MAST4: variants seen among roughly 807,000 people sequenced by gnomAD.
The protein encoded by MAST4 is microtubule-associated serine/threonine-protein kinase 4.
A neutral mutation model predicts 162.7 loss-of-function variants in MAST4; 89 were observed. That is an observed-to-expected ratio of 0.55 (90% CI 0.46 to 0.65). The LOEUF (loss-of-function observed/expected upper bound fraction) is 0.65. Ranked by LOEUF, MAST4 falls within the 30% of genes least tolerant of loss-of-function variation. The probability of loss-of-function intolerance (pLI) is 0.00; values close to 1 mark genes in which losing one functional copy is unlikely to be tolerated. For synonymous variants in MAST4, 1,479 were observed against 1,361.1 expected (o/e 1.09, Z -1.91); for missense variants, 3,153 against 3,374.0 (o/e 0.93, Z 1.62).
At chr5:66,647,587 C>A (rs2149443499) in intron 1 of MAST4, among the ~76,000 whole-genome samples, 1 of 152,098 alleles carries the variant, frequency 6.6e-6, no homozygotes, top group South Asian at 2.1e-4. Context: ...TTAAAATGTC[C>A]TAAATAATCT....
intron 1 of MAST4, among the ~76,000 whole-genome samples, chr5:66,695,711 G>T (rs1366379732): frequency 2.0e-5 from 3 of 152,126 alleles, no homozygotes; most frequent in African/African-American, 7.2e-5. Context: ...AACAGATGCT[G>T]GCAAGGCTGT....
chr5:66,914,922 A>T (rs965086572), intron 4 of MAST4, among the ~76,000 whole-genome samples: 30 of 152,182 alleles, frequency 2.0e-4, no homozygotes, highest in Non-Finnish European at 2.9e-5. Context: ...CCAAAATATC[A>T]GTAGTGCTGA....
At chr5:66,980,198 C>T (rs555881388) in intron 4 of MAST4, among the ~76,000 whole-genome samples, 45 of 152,222 alleles carry the variant, frequency 3.0e-4, no homozygotes, top group African/African-American at 1.0e-3. Flanking sequence ...GAGATAAGTC[C>T]CCCAGGGGTC....
chr5:67,100,831 TG>T (rs1477207082), intron 8 of MAST4, among the ~76,000 whole-genome samples: 6 of 152,222 alleles, frequency 3.9e-5, no homozygotes, highest in African/African-American at 1.4e-4. Flanking sequence ...ACGATGGTCT[TG>T]GGACTACCTA....
chr5:66,619,378 A>G (rs1050620129), intron 1 of MAST4, among the ~76,000 whole-genome samples: 3 of 143,878 alleles, frequency 2.1e-5, no homozygotes, highest in African/African-American at 7.8e-5. Context: ...CGTTAGGAAT[A>G]TTTTTCTCCC....
chr5:66,984,067 A>G (rs1433330655), intron 4 of MAST4, among the ~76,000 whole-genome samples: 1 of 152,200 alleles, frequency 6.6e-6, no homozygotes, highest in Non-Finnish European at 1.5e-5. Context: ...GGATAGAGAA[A>G]GTCTCTGCTC....
At chr5:66,907,193 G>GAGAGAT in intron 4 of MAST4, among the ~76,000 whole-genome samples, 1 of 145,914 alleles carries the variant, frequency 6.9e-6, no homozygotes, top group Non-Finnish European at 1.5e-5. Flanking sequence ...GAGAGAGAGA[G>GAGAGAT]AGAGAGAGAG....
intron 1 of MAST4, among the ~76,000 whole-genome samples, chr5:66,696,082 CT>C (rs1749378368): frequency 6.6e-6 from 1 of 152,066 alleles, no homozygotes; most frequent in Admixed American, 6.5e-5. Context: ...AGCCATTATC[CT>C]TGCAAACTAA....
intron 4 of MAST4, among the ~76,000 whole-genome samples, chr5:66,927,683 A>C (rs1318615845): frequency 6.6e-6 from 1 of 152,202 alleles, no homozygotes; most frequent in Non-Finnish European, 1.5e-5. Flanking sequence ...GAAAGGAAGC[A>C]ATGTACTGGA....
At position 66,596,734 on chromosome 5, in the gene MAST4, G is replaced by T. The variant is rs1742201300; in HGVS notation, c.79G>T (p.Ala27Ser). The change falls in exon 1 of 29, where the codon GCG becomes TCG. Residue 27 changes from alanine (A) to serine (S), a missense_variant. By Grantham distance (99) the Ala-to-Ser change is moderately conservative. This residue lies in a region of MAST4 where 327 missense variants were observed against 336.5 expected (regional missense o/e 0.97). Coordinates refer to ENST00000403625, the MANE Select transcript of MAST4 (RefSeq NM_001164664.2). ...CCACGGCAGCCGGACTCCAGCCTCT[G>T]CGCTGGTCGCCGCGTCCTCTCCGGG... ...SGHGSRTPAS[A>S]LVAASSPGAS... 3 of 1,415,582 alleles carry T rather than the reference G, an allele frequency of 2.1e-6. No homozygotes were observed. Among genetic ancestry groups the T allele is most frequent in the Non-Finnish European group, 2.8e-6 (3 of 1,084,510 alleles). The allele number at this position is 1,415,582 out of a possible 1,614,324, so 87.7% of individuals were successfully genotyped here. A position where few individuals can be genotyped will look rare whatever the true frequency, so the allele number is the denominator to read the frequency against.
intron 1 of MAST4, among the ~76,000 whole-genome samples, chr5:66,712,198 T>C (rs1360106794): frequency 6.6e-6 from 1 of 152,244 alleles, no homozygotes; most frequent in African/African-American, 2.4e-5. Flanking sequence ...TGCACACTTA[T>C]GTGGTATGTA....
chr5:66,772,103 C>T lies in MAST4; in HGVS notation c.517+12241C>T, dbSNP rs575427963. The stretch of plus-strand genomic sequence containing the variant: ...GACTTGATTATACTACAATTAACAG[C>T]GTGAAAGATTTATTGAAATGCTAGA... On this transcript the variant is annotated intron_variant, in intron 2 of 28. Coordinates refer to ENST00000403625, the MANE Select transcript of MAST4 (RefSeq NM_001164664.2). Among the ~76,000 whole-genome samples the T allele has an allele frequency of 5.9e-5, 9 of 152,248 alleles. No individual in the cohort carries two copies. In the South Asian group the frequency reaches 1.2e-3, roughly 21 times the overall value.
intron 5 of MAST4, among the ~76,000 whole-genome samples, chr5:67,082,601 A>G (rs908122181): frequency 2.6e-5 from 4 of 152,220 alleles, no homozygotes; most frequent in African/African-American, 9.6e-5. Context: ...TATTTGGACA[A>G]TTGGTGAGAT....
chr5:66,720,104 G>T (rs936211716), intron 1 of MAST4, among the ~76,000 whole-genome samples: 5 of 152,086 alleles, frequency 3.3e-5, no homozygotes, highest in African/African-American at 1.2e-4. Context: ...GTGAAATAGG[G>T]TCTCAGATGT....
At chr5:66,862,895 G>A (rs931631771) in intron 3 of MAST4, among the ~76,000 whole-genome samples, 2 of 152,236 alleles carry the variant, frequency 1.3e-5, no homozygotes, top group Non-Finnish European at 2.9e-5. Flanking sequence ...GCCAGGAGGA[G>A]AATTGTGTCA....
At chr5:67,052,757 A>G (rs1033187451) in intron 4 of MAST4, among the ~76,000 whole-genome samples, 43 of 152,122 alleles carry the variant, frequency 2.8e-4, no homozygotes, top group Non-Finnish European at 5.0e-4. Context: ...AAATGTAGCC[A>G]TTTTTATAAT....
At chr5:66,714,800 C>T (rs1353283281) in intron 1 of MAST4, among the ~76,000 whole-genome samples, 1 of 152,236 alleles carries the variant, frequency 6.6e-6, no homozygotes, top group East Asian at 1.9e-4. Flanking sequence ...ACTGGAGAAA[C>T]AGTCTGGTCT....
At chr5:67,130,913 T>A (rs887518911) in intron 15 of MAST4, among the ~76,000 whole-genome samples, 5 of 152,194 alleles carry the variant, frequency 3.3e-5, no homozygotes, top group African/African-American at 1.2e-4. Flanking sequence ...ACCTTTTCAA[T>A]GCTCCAAGTA....
intron 5 of MAST4, among the ~76,000 whole-genome samples, chr5:67,079,962 A>G (rs1479214772): frequency 1.3e-5 from 2 of 152,138 alleles, no homozygotes; most frequent in African/African-American, 4.8e-5. Context: ...GCAAAAGGGG[A>G]GGGAAAAGTG....
Sources: gnomAD v4.1 joint callset for allele counts (sites outside exome capture counted in the v4.1 genomes callset) on GRCh38, gnomAD v4.1.1 for gene constraint, gnomAD v4.1.1 regional missense constraint, MANE v1.5 for transcripts, NCBI Gene and HGNC (gene_info 2026-07-23, HGNC 2026-07-21) for gene names.